HAO2: variants seen among roughly 807,000 people sequenced by gnomAD.
HAO2 encodes 2-Hydroxyacid oxidase 2.
Under a neutral mutation model 37.4 loss-of-function variants are expected in HAO2, and 42 were observed. The observed-to-expected ratio is 1.12, with a 90% CI of 0.88 to 1.45. The LOEUF (loss-of-function observed/expected upper bound fraction) is 1.45. HAO2 is among the 40% of genes most tolerant of loss of function. The probability of loss-of-function intolerance (pLI) is 0.00; values close to 1 mark genes in which losing one functional copy is unlikely to be tolerated. For synonymous variants in HAO2, 180 were observed against 162.8 expected (o/e 1.11, Z -0.81); for missense variants, 476 against 430.2 (o/e 1.11, Z -0.94).
intron 3 of HAO2, 131 bp from the exon 4 acceptor site, chr1:119,384,645 A>T: frequency 1.4e-6 from 1 of 711,810 alleles, no homozygotes. Context: ...TCTTACAAGG[A>T]AGCAGAATGA....
chr1:119,393,767 A>G lies in HAO2; in HGVS notation c.1001-18A>G, dbSNP rs760532580. ...TGTGTTTGACAAAAATGAGCTTGTA[A>G]CCACATTGTTCTTTTAGGCTGCCGG... is the stretch of plus-strand genomic sequence containing the variant. On this transcript the variant is annotated intron_variant, in intron 7 of 7. Coordinates refer to ENST00000325945, the MANE Select transcript of HAO2 (RefSeq NM_016527.4). 2.5e-6 allele frequency: 4 copies of G among 1,612,058 alleles called. No individual in the cohort carries two copies. In the African/African-American group the frequency reaches 5.3e-5, roughly 22 times the overall value.
At chr1:119,380,333 T>A (rs956734561) in intron 1 of HAO2, among the ~76,000 whole-genome samples, 1 of 152,152 alleles carries the variant, frequency 6.6e-6, no homozygotes, top group African/African-American at 2.4e-5. Flanking sequence ...AAGATGGGAA[T>A]AAATGGAGCC....
At position 119,392,200 on chromosome 1, in the gene HAO2, A is replaced by G; in HGVS notation, c.862A>G (p.Lys288Glu). 1.2e-6 allele frequency: 2 copies of G among 1,613,438 alleles called. No individual in the cohort carries two copies. Among genetic ancestry groups the G allele is most frequent in the Non-Finnish European group, 1.7e-6 (2 of 1,179,514 alleles). ...GGVRTGNDVL[K>E]ALALGAKCIF... Reference sequence around the variant, plus strand: ...GGTCCGAACTGGCAATGATGTGCTGAAGGCTCTGGCCCTTGGAGCTAAGTG... The same window carrying G: ...GGTCCGAACTGGCAATGATGTGCTGGAGGCTCTGGCCCTTGGAGCTAAGTG... Residue 288 changes from lysine (K) to glutamate (E), a missense_variant, in exon 6 of 8, where the codon AAG becomes GAG. By Grantham distance (56) the Lys-to-Glu change is moderately conservative. Transcript: ENST00000325945.
In HAO2 at chr1:119,373,894, G is replaced by A. The variant is rs587715768; in HGVS notation, c.-9+4992G>A. ...AATCAGAATAAAACAAACAAAAAAA[G>A]GGCCATTATGGTTCAGAAGGCTCCT... is the stretch of plus-strand genomic sequence containing the variant. On this transcript the variant is annotated intron_variant, in intron 1 of 7. Coordinates refer to ENST00000325945, the MANE Select transcript of HAO2 (RefSeq NM_016527.4). Among the ~76,000 whole-genome samples the A allele has an allele frequency of 8.7e-4, 132 of 152,248 alleles. 1 individual carries two copies. Among genetic ancestry groups the A allele is most frequent in the African/African-American group, 3.1e-3 (129 of 41,554 alleles).
At chr1:119,388,325 A>G (rs899988112) in intron 5 of HAO2, among the ~76,000 whole-genome samples, 2 of 152,216 alleles carry the variant, frequency 1.3e-5, no homozygotes, top group Admixed American at 6.5e-5. Flanking sequence ...CTAATAAAAT[A>G]CATCATACAA....
chr1:119,380,320 T>C (rs913587479), intron 1 of HAO2, among the ~76,000 whole-genome samples: 13 of 152,240 alleles, frequency 8.5e-5, no homozygotes, highest in Middle Eastern at 3.4e-3. Flanking sequence ...AGGGCTCAAA[T>C]TGAAGATGGG....
Position 119,381,183 on chromosome 1 carries a change from T to A in HAO2, c.98T>A (p.Ile33Asn). The A allele has an allele frequency of 3.1e-6, 5 of 1,611,212 alleles. No individual in the cohort carries two copies. The highest frequency in any genetic ancestry group is 2.2e-5 in the South Asian group (2 of 91,018). Residue 33 changes from isoleucine (I) to asparagine (N), a missense_variant, in exon 2 of 8, where the codon ATC becomes AAC. Ile to Asn is a moderately radical substitution (Grantham distance 149). Transcript: ENST00000325945. Reference sequence around the variant, plus strand: ...ATTGAAGGTGGAGCAGATGACAGCATCACGCGGGATGACAACATTGCAGCA... The same window carrying A: ...ATTGAAGGTGGAGCAGATGACAGCAACACGCGGGATGACAACATTGCAGCA... ...DFIEGGADDS[I>N]TRDDNIAAFK...
At chr1:119,392,393 A>G in intron 6 of HAO2, 125 bp downstream of exon 6, 1 of 838,976 alleles carries the variant, frequency 1.2e-6, no homozygotes, top group African/African-American at 1.7e-5. Context: ...GTTACACCTA[A>G]GCTGCATCTC....
chr1:119,385,314 T>C (rs1451676171), intron 4 of HAO2: 1 of 985,226 alleles, frequency 1.0e-6, no homozygotes, highest in Admixed American at 6.1e-5. Context: ...TGGCCAGAGC[T>C]GGATGCTGAG....
At chr1:119,380,399 G>A in intron 1 of HAO2, 1 of 368,328 alleles carries the variant, frequency 2.7e-6, no homozygotes, top group Non-Finnish European at 4.8e-6. Context: ...AAGGTAGATG[G>A]TGACCCTTGA....
chr1:119,376,339 T>G (rs1649467792), intron 1 of HAO2, among the ~76,000 whole-genome samples: 1 of 152,144 alleles, frequency 6.6e-6, no homozygotes, highest in African/African-American at 2.4e-5. Context: ...CAGGTCACAC[T>G]GATGCAAGAG....
intron 4 of HAO2, 29 bp from the exon 5 acceptor site, chr1:119,386,593 G>T: frequency 7.2e-7 from 1 of 1,388,660 alleles, no homozygotes; most frequent in Non-Finnish European, 1.0e-6. Context: ...TGAGAGCTCA[G>T]GACTAAGTTC....
chr1:119,383,068 T>C lies in HAO2; in HGVS notation c.283+2T>C. The C allele has an allele frequency of 6.2e-7, 1 of 1,609,536 alleles. No individual in the cohort carries two copies. On this transcript the variant is annotated splice_donor_variant, in intron 3 of 7. Coordinates refer to ENST00000325945, the MANE Select transcript of HAO2 (RefSeq NM_016527.4). LOFTEE classifies it high-confidence loss of function. ...ATGGGGAAATGAGCACAGCAAGAGG[T>C]ATGAACCATCCCCACCTCGAGGCTC...
intron 5 of HAO2, among the ~76,000 whole-genome samples, chr1:119,387,391 T>C (rs1650477239): frequency 1.3e-5 from 2 of 152,308 alleles, no homozygotes; most frequent in Admixed American, 1.3e-4. Context: ...TTGTTTTCAT[T>C]GAGTTATATT....
At chr1:119,377,784 C>T (rs769803388) in intron 1 of HAO2, among the ~76,000 whole-genome samples, 1 of 152,178 alleles carries the variant, frequency 6.6e-6, no homozygotes, top group African/African-American at 2.4e-5. Context: ...ACCATCAGCT[C>T]GGCCAGGCAT....
At chr1:119,376,793 G>A (rs1202771607) in intron 1 of HAO2, among the ~76,000 whole-genome samples, 2 of 152,216 alleles carry the variant, frequency 1.3e-5, no homozygotes, top group African/African-American at 4.8e-5. Context: ...TACAATCTGA[G>A]CTGTACTTTG....
chr1:119,380,104 A>G (rs1317372365), intron 1 of HAO2, among the ~76,000 whole-genome samples: 1 of 152,134 alleles, frequency 6.6e-6, no homozygotes, highest in Non-Finnish European at 1.5e-5. Context: ...GGAGCTTAGA[A>G]ACTTCAGGTT....
rs587699459 is a variant in HAO2, at chr1:119,387,678, A to C, written c.771+847A>C. On this transcript the variant is annotated intron_variant, in intron 5 of 7. Transcript: ENST00000325945. ...GTTTTTTTCTTTTACTTAGCATTAT[A>C]TTAAGAGCAACTTTTTGTTTCAGTA... is the stretch of plus-strand genomic sequence containing the variant. 2.6e-5 allele frequency among the ~76,000 whole-genome samples: 4 copies of C among 152,332 alleles called. No individual in the cohort carries two copies. In the South Asian group the frequency reaches 8.3e-4, roughly 32 times the overall value.
At chr1:119,392,355 A>T in intron 6 of HAO2, 87 bp downstream of exon 6, 1 of 1,166,524 alleles carries the variant, frequency 8.6e-7, no homozygotes, top group Non-Finnish European at 1.2e-6. Flanking sequence ...CCAAGCTTAG[A>T]CATTTTCAAA....
Sources: gnomAD v4.1 joint callset for allele counts (sites outside exome capture counted in the v4.1 genomes callset) on GRCh38, gnomAD v4.1.1 for gene constraint, MANE v1.5 for transcripts, NCBI Gene and HGNC (gene_info 2026-07-23, HGNC 2026-07-21) for gene names.